IL1RAPL1: variants seen among roughly 807,000 people sequenced by gnomAD.
IL1RAPL1 encodes the protein interleukin-1 receptor accessory protein-like 1.
A neutral mutation model predicts 48.4 loss-of-function variants in IL1RAPL1; 3 were observed. That is an observed-to-expected ratio of 0.06 (90% CI 0.03 to 0.16). The LOEUF is 0.16. Among genes scored for constraint, IL1RAPL1 ranks in the 10% least tolerant of loss-of-function variants. IL1RAPL1 has a pLI of 1.00. For synonymous variants in IL1RAPL1, 185 were observed against 187.7 expected, an observed-to-expected ratio of 0.99 and a Z score of 0.12; for missense variants, 349 against 530.6, an observed-to-expected ratio of 0.66 and a Z score of 3.36.
intron 5 of IL1RAPL1, among the ~76,000 whole-genome samples, chrX:29,651,202 A>C (rs1173971529): frequency 1.8e-5 from 2 of 110,857 alleles, no homozygotes; most frequent in African/African-American, 6.5e-5. Context: ...GCCATTATGG[A>C]GACAGTATGG....
intron 6 of IL1RAPL1, among the ~76,000 whole-genome samples, chrX:29,701,534 G>T (rs1436838989): frequency 8.9e-6 from 1 of 112,045 alleles, no homozygotes; most frequent in Non-Finnish European, 1.9e-5. Context: ...CTGGGAGGAA[G>T]CTTCAAAGTG....
chrX:29,598,094 C>T (rs186969070), intron 5 of IL1RAPL1, among the ~76,000 whole-genome samples: 33 of 111,436 alleles, frequency 3.0e-4, no homozygotes, highest in African/African-American at 1.0e-3. Flanking sequence ...CTTGCTTCTC[C>T]AGTTCCTTGA....
chrX:29,094,587 A>T (rs1427493545), intron 2 of IL1RAPL1, among the ~76,000 whole-genome samples: 1 of 76,717 alleles, frequency 1.3e-5, no homozygotes, highest in Non-Finnish European at 2.5e-5. Flanking sequence ...ATGAAACTCT[A>T]TCTCTACTTA....
chrX:29,405,203 C>T (rs1043499298), intron 5 of IL1RAPL1, among the ~76,000 whole-genome samples: 23 of 109,120 alleles, frequency 2.1e-4, no homozygotes, highest in African/African-American at 5.7e-4. Flanking sequence ...TGAGCTACCG[C>T]GCCCAGTCTG....
intron 6 of IL1RAPL1, among the ~76,000 whole-genome samples, chrX:29,677,571 T>C (rs1926321134): frequency 8.9e-6 from 1 of 112,079 alleles, no homozygotes; most frequent in South Asian, 3.7e-4. Context: ...GTTTTCCCTG[T>C]GGTAATGCAG....
chrX:29,766,340 A>ATATATATATATAT (rs1414641092), intron 6 of IL1RAPL1, among the ~76,000 whole-genome samples: 1 of 76,334 alleles, frequency 1.3e-5, no homozygotes, highest in African/African-American at 6.3e-5. Context: ...AAAAAAAAAA[A>ATATATATATATAT]AAATATATAT....
At chrX:28,947,196 G>A (rs1378906695) in intron 2 of IL1RAPL1, among the ~76,000 whole-genome samples, 5 of 111,841 alleles carry the variant, frequency 4.5e-5, no homozygotes, top group African/African-American at 1.3e-4. Context: ...GCTAAAAGAT[G>A]TGTGTGTATG....
At chrX:29,536,341 A>G (rs1304603117) in intron 5 of IL1RAPL1, among the ~76,000 whole-genome samples, 2 of 111,973 alleles carry the variant, frequency 1.8e-5, no homozygotes, top group Non-Finnish European at 3.8e-5. Context: ...GTCTACTCCA[A>G]ATAGCTTCAT....
intron 1 of IL1RAPL1, among the ~76,000 whole-genome samples, chrX:28,734,434 G>A (rs1029198391): frequency 9.0e-6 from 1 of 111,128 alleles, no homozygotes; most frequent in Admixed American, 9.6e-5. Context: ...TCTGAAACAT[G>A]CTAGACATGT....
intron 5 of IL1RAPL1, among the ~76,000 whole-genome samples, chrX:29,409,889 A>G (rs1286024952): frequency 1.0e-5 from 1 of 99,211 alleles, no homozygotes; most frequent in Non-Finnish European, 2.0e-5. Flanking sequence ...ATGGCACGAT[A>G]TCGGCTCACC....
At chrX:28,894,339 T>G (rs777362857) in intron 2 of IL1RAPL1, among the ~76,000 whole-genome samples, 47 of 111,316 alleles carry the variant, frequency 4.2e-4, no homozygotes, top group Middle Eastern at 9.2e-3. Context: ...TGCTGGTGAG[T>G]GGCGATTAGG....
intron 8 of IL1RAPL1, among the ~76,000 whole-genome samples, chrX:29,923,377 T>C (rs1014931119): frequency 4.5e-5 from 5 of 111,885 alleles, no homozygotes; most frequent in African/African-American, 1.6e-4. Flanking sequence ...AATATAGATA[T>C]ATTTCACTTA....
At chrX:29,644,302 A>G (rs1925255940) in intron 5 of IL1RAPL1, among the ~76,000 whole-genome samples, 1 of 111,965 alleles carries the variant, frequency 8.9e-6, no homozygotes, top group South Asian at 3.7e-4. Flanking sequence ...CCTGTGTCAT[A>G]GTGGAAACCA....
chrX:29,646,255 T>C (rs1054260754), intron 5 of IL1RAPL1, among the ~76,000 whole-genome samples: 4 of 111,221 alleles, frequency 3.6e-5, no homozygotes, highest in Non-Finnish European at 7.5e-5. Context: ...AAAATTGAAA[T>C]GATAATAATA....
chrX:28,710,768 AAAG>A (rs1371662540), intron 1 of IL1RAPL1, among the ~76,000 whole-genome samples: 1 of 112,392 alleles, frequency 8.9e-6, no homozygotes, highest in African/African-American at 3.2e-5. Context: ...AATCAATAAA[AAAG>A]TATTAATGTG....
At chrX:29,766,342 A>AAAAAAAAAAAT (rs1200679211) in intron 6 of IL1RAPL1, among the ~76,000 whole-genome samples, 1 of 47,542 alleles carries the variant, frequency 2.1e-5, no homozygotes, top group African/African-American at 9.0e-5. Context: ...AAAAAAAAAA[A>AAAAAAAAAAAT]ATATATATAT....
chrX:29,059,878 G>A (rs1404438279), intron 2 of IL1RAPL1, among the ~76,000 whole-genome samples: 1 of 111,508 alleles, frequency 9.0e-6, no homozygotes, highest in East Asian at 2.8e-4. Flanking sequence ...AAGAAAAGGG[G>A]TTTAATGGAT....
chrX:29,883,222 G>A (rs778797173), intron 6 of IL1RAPL1, among the ~76,000 whole-genome samples: 3 of 110,245 alleles, frequency 2.7e-5, no homozygotes, highest in African/African-American at 6.6e-5. Flanking sequence ...ATTATATTCC[G>A]TGTTTGATAA....
chrX:28,837,114 A>G (rs765081447), intron 2 of IL1RAPL1, among the ~76,000 whole-genome samples: 9 of 111,438 alleles, frequency 8.1e-5, no homozygotes, highest in African/African-American at 2.3e-4. Flanking sequence ...TCATGTTTTG[A>G]TATGCGTATA....
Sources: allele counts gnomAD v4.1 joint callset (sites outside exome capture counted in the v4.1 genomes callset), GRCh38; gene constraint gnomAD v4.1.1; transcripts MANE v1.5; gene names NCBI Gene and HGNC (gene_info 2026-07-23, HGNC 2026-07-21).